Variants in PLEKHM3 observed in about 807,000 individuals in gnomAD.
PLEKHM3 encodes the protein pleckstrin homology domain-containing family M member 3.
Under a neutral mutation model 81.8 loss-of-function variants are expected in PLEKHM3, and 45 were observed. That is an observed-to-expected ratio of 0.55 (90% confidence interval 0.43 to 0.71). PLEKHM3 has a LOEUF of 0.71. PLEKHM3 is among the 30% of genes least tolerant of loss of function. The pLI is 0.00. For missense variants in PLEKHM3, 788 were observed against 924.3 expected, an observed-to-expected ratio of 0.85 and a Z score of 1.91; for synonymous variants, 352 against 356.4, an observed-to-expected ratio of 0.99 and a Z score of 0.14.
intron 6 of PLEKHM3, among the ~76,000 whole-genome samples, chr2:207,877,812 A>G (rs2092566761): frequency 6.6e-6 from 1 of 152,198 alleles, no homozygotes; most frequent in Non-Finnish European, 1.5e-5. Context: ...TCTCTATGCC[A>G]TCACCAGAAA....
At chr2:207,858,172 GTGTA>G (rs1351695496) in intron 7 of PLEKHM3, among the ~76,000 whole-genome samples, 5 of 77,296 alleles carry the variant, frequency 6.5e-5, no homozygotes, top group African/African-American at 1.5e-4. Context: ...GTGTGTGTGT[GTGTA>G]TATATTTTTT....
chr2:207,967,125 T>C (rs2106009669), intron 3 of PLEKHM3, among the ~76,000 whole-genome samples: 1 of 152,302 alleles, frequency 6.6e-6, no homozygotes, highest in Non-Finnish European at 1.5e-5. Flanking sequence ...CTGGGACTAC[T>C]ACAGGCATCA....
rs1690833584 is a variant in PLEKHM3, at chr2:207,964,148, G to T, written c.1546+12503C>A. ...AATCACTTGAACCCAGGAGGCGGAG[G>T]TTGCAGTGAGCTGAGATCACGCCAC... is the stretch of plus-strand genomic sequence containing the variant. On this transcript the variant is annotated intron_variant, in intron 3 of 7. Coordinates refer to ENST00000427836, the MANE Select transcript of PLEKHM3 (RefSeq NM_001080475.3). 2.0e-5 allele frequency among the ~76,000 whole-genome samples: 3 copies of T among 152,056 alleles called. No homozygotes were observed. In the South Asian group the frequency reaches 6.2e-4, roughly 32 times the overall value.
At position 207,907,020 on chromosome 2, in the gene PLEKHM3, C is replaced by G. The variant is rs1688632657; in HGVS notation, c.1950+1494G>C. Reference sequence around the variant, plus strand: ...CAGAATCACAGCAGTTTGAGATACTCTGAAAGTTGTCACAATTATTATTAT... The same window carrying G: ...CAGAATCACAGCAGTTTGAGATACTGTGAAAGTTGTCACAATTATTATTAT... On this transcript the variant is annotated intron_variant, in intron 6 of 7. Coordinates refer to ENST00000427836, the MANE Select transcript of PLEKHM3 (RefSeq NM_001080475.3). 3.9e-5 allele frequency among the ~76,000 whole-genome samples: 6 copies of G among 152,038 alleles called. No homozygotes were observed. In the South Asian group the frequency reaches 1.2e-3, roughly 31 times the overall value.
At chr2:207,856,957 T>G (rs1270057062) in intron 7 of PLEKHM3, among the ~76,000 whole-genome samples, 1 of 152,236 alleles carries the variant, frequency 6.6e-6, no homozygotes, top group Non-Finnish European at 1.5e-5. Context: ...TTTTTTTTAA[T>G]GGCCCAGAAT....
chr2:208,000,286 T>G (rs1366362073), intron 2 of PLEKHM3, among the ~76,000 whole-genome samples: 2 of 152,194 alleles, frequency 1.3e-5, no homozygotes, highest in Admixed American at 6.5e-5. Flanking sequence ...TCCCCACCTT[T>G]GTTTACACCA....
At chr2:207,841,464 AAAAAAAAAAAAAAAAAATATAT>A (rs1245598735) in intron 7 of PLEKHM3, among the ~76,000 whole-genome samples, 7 of 67,754 alleles carry the variant, frequency 1.0e-4, no homozygotes, top group African/African-American at 4.7e-4. Flanking sequence ...AAAAAAAAAA[AAAAAAAAAAAAAAAAAATATAT>A]ATATATATAT....
intron 7 of PLEKHM3, chr2:207,852,969 T>C: frequency 2.7e-6 from 1 of 370,732 alleles, no homozygotes; most frequent in Non-Finnish European, 5.2e-6. Context: ...ATGGAGCCCT[T>C]CTGGGAGCTC....
At chr2:207,942,506 C>T (rs1689975239) in intron 4 of PLEKHM3, among the ~76,000 whole-genome samples, 1 of 152,182 alleles carries the variant, frequency 6.6e-6, no homozygotes, top group South Asian at 2.1e-4. Flanking sequence ...GAATAAAATT[C>T]TGTCATTTGC....
chr2:207,867,121 G>C (rs969899640), intron 6 of PLEKHM3, among the ~76,000 whole-genome samples: 2 of 152,164 alleles, frequency 1.3e-5, no homozygotes, highest in African/African-American at 4.8e-5. Context: ...ACACTTTTCT[G>C]TCTTTACCCC....
rs1226187210 is a variant in PLEKHM3 at position 207,923,880 on chromosome 2, CAT to C, written c.1886+7044_1886+7045del. On this transcript the variant is annotated intron_variant, in intron 5 of 7. Transcript: ENST00000427836. ...GCACACACACACACACACACACACA[CAT>C]ATATATATATATATATATATATATT... 2.5e-3 allele frequency among the ~76,000 whole-genome samples: 143 copies of C among 56,706 alleles called. 1 individual carries two copies. Among genetic ancestry groups the C allele is most frequent in the Non-Finnish European group, 3.6e-3 (113 of 31,234 alleles). The allele number at this position is 56,706 out of a possible 152,430, so 37.2% of individuals were successfully genotyped here.
At chr2:207,958,579 T>G (rs537376083) in intron 3 of PLEKHM3, among the ~76,000 whole-genome samples, 1 of 152,324 alleles carries the variant, frequency 6.6e-6, no homozygotes, top group Non-Finnish European at 1.5e-5. Context: ...GCTGGGCTAC[T>G]TGAAGCACTG....
At chr2:207,959,339 T>C (rs1690649849) in intron 3 of PLEKHM3, among the ~76,000 whole-genome samples, 1 of 152,192 alleles carries the variant, frequency 6.6e-6, no homozygotes, top group African/African-American at 2.4e-5. Context: ...CCCAGTTACA[T>C]CTCTCTTTTA....
chr2:208,020,838 G>A (rs62190898), intron 1 of PLEKHM3, among the ~76,000 whole-genome samples: 14,715 of 152,248 alleles, frequency 0.097, 857 homozygotes, highest in Non-Finnish European at 0.13. Flanking sequence ...TTCTAGGGGT[G>A]TTGGAGGAGA....
chr2:207,961,603 T>C (rs1438256294), intron 3 of PLEKHM3, among the ~76,000 whole-genome samples: 2 of 152,212 alleles, frequency 1.3e-5, no homozygotes, highest in East Asian at 3.9e-4. Flanking sequence ...AAACACCTTC[T>C]ATTTTTAGCC....
rs1322284220 is a variant in PLEKHM3, at chr2:207,965,392, A to T, written c.1546+11259T>A. Among the ~76,000 whole-genome samples, 6 of 128,414 alleles carry T rather than the reference A, an allele frequency of 4.7e-5. No individual in the cohort carries two copies. In the South Asian group the frequency reaches 1.1e-3, roughly 24 times the overall value. 84.2% of individuals were successfully genotyped at this position (128,414 alleles called of 152,430 possible). A position where few individuals can be genotyped will look rare whatever the true frequency, so the allele number is the denominator to read the frequency against. On this transcript the variant is annotated intron_variant, in intron 3 of 7. Transcript: ENST00000427836. ...AAAGACTAGGAGAAATGAACGGCTTAAAAAAAAAAAAACGACAGCACAGCT... is the reference window on the plus strand; with the variant it reads ...AAAGACTAGGAGAAATGAACGGCTTTAAAAAAAAAAAACGACAGCACAGCT...
chr2:207,977,099 C>G lies in PLEKHM3; in HGVS notation c.1098G>C (p.Gly366=). The change falls in exon 3 of 8, where the codon GGG becomes GGC. Residue 366 remains glycine, a synonymous_variant. Transcript: ENST00000427836. Reference sequence around the variant, plus strand: ...TTTGGACAGTCAGCCTGTAGAGAGTCCCTGATTTGAGGATGTTTTGGTACT... The same window carrying G: ...TTTGGACAGTCAGCCTGTAGAGAGTGCCTGATTTGAGGATGTTTTGGTACT... ...SKQYQNILKS[G]TLYRLTVQNN... 2 of 1,614,178 alleles carry G rather than the reference C, an allele frequency of 1.2e-6. No individual in the cohort carries two copies. The highest frequency in any genetic ancestry group is 2.2e-5 in the South Asian group (2 of 91,078).
intron 1 of PLEKHM3, among the ~76,000 whole-genome samples, chr2:208,016,231 T>G (rs950476451): frequency 1.3e-5 from 2 of 152,016 alleles, no homozygotes; most frequent in African/African-American, 4.8e-5. Flanking sequence ...ATAAACTGCC[T>G]CCTTCTAAAA....
chr2:207,864,233 T>C (rs2092483724), intron 6 of PLEKHM3, among the ~76,000 whole-genome samples: 1 of 152,186 alleles, frequency 6.6e-6, no homozygotes, highest in South Asian at 2.1e-4. Flanking sequence ...TAGGAAGCCA[T>C]AGATAGACCT....
Sources: gnomAD v4.1 joint callset for allele counts (sites outside exome capture counted in the v4.1 genomes callset) on GRCh38, gnomAD v4.1.1 for gene constraint, MANE v1.5 for transcripts, NCBI Gene and HGNC (gene_info 2026-07-23, HGNC 2026-07-21) for gene names.